The following CMSS1 variants were observed in gnomAD, a reference collection of about 807,000 sequenced individuals.
The protein encoded by CMSS1 is protein CMSS1.
CMSS1 carries 33 observed loss-of-function variants against 43.5 expected under a neutral mutation model. The observed-to-expected ratio is 0.76, with a 90% confidence interval of 0.57 to 1.01. The LOEUF is 1.01. CMSS1 is among the 50% of genes least tolerant of loss of function. The probability of loss-of-function intolerance (pLI) is 0.00; values close to 1 mark genes in which losing one functional copy is unlikely to be tolerated. For missense variants in CMSS1, 313 were observed against 326.4 expected (o/e 0.96, Z 0.32); for synonymous variants, 115 against 117.2 (o/e 0.98, Z 0.12).
chr3:100,014,528 C>G (rs1385190665), intron 1 of CMSS1, among the ~76,000 whole-genome samples: 1 of 152,080 alleles, frequency 6.6e-6, no homozygotes, highest in Non-Finnish European at 1.5e-5. Flanking sequence ...TGATAATAAC[C>G]ATTCTAACAG....
chr3:100,066,764 C>CTAAATAAATGGTTTGAA (rs2065672275), intron 1 of CMSS1, among the ~76,000 whole-genome samples: 1 of 94,568 alleles, frequency 1.1e-5, no homozygotes, highest in Non-Finnish European at 2.5e-5. Flanking sequence ...ATCTCCTGAC[C>CTAAATAAATGGTTTGAA]TCGTGATCCG....
chr3:99,903,313 G>A (rs916491003), intron 1 of CMSS1, among the ~76,000 whole-genome samples: 5 of 151,762 alleles, frequency 3.3e-5, no homozygotes, highest in South Asian at 2.1e-4. Flanking sequence ...GTGCAGTGGC[G>A]TGATCTCAGC....
At chr3:99,847,321 GGAAAAAGAAACAAGAATGACA>G (rs1943409304) in intron 1 of CMSS1, among the ~76,000 whole-genome samples, 1 of 150,548 alleles carries the variant, frequency 6.6e-6, no homozygotes, top group African/African-American at 2.4e-5. Flanking sequence ...GAACCCCATA[GGAAAAAGAAACAAGAATGACA>G]TTTTCTTTTT....
At chr3:99,823,556 T>G (rs1942481008) in intron 1 of CMSS1, among the ~76,000 whole-genome samples, 1 of 152,230 alleles carries the variant, frequency 6.6e-6, no homozygotes, top group African/African-American at 2.4e-5. Flanking sequence ...GCATTTTTCT[T>G]CGCTCTGCCT....
chr3:100,087,553 A>C, intron 1 of CMSS1, among the ~76,000 whole-genome samples: 1 of 152,120 alleles, frequency 6.6e-6, no homozygotes, highest in East Asian at 1.9e-4. Flanking sequence ...GCATCTTTTC[A>C]AACCTTTTGC....
chr3:100,055,856 G>A (rs1273006142), intron 1 of CMSS1, among the ~76,000 whole-genome samples: 1 of 151,936 alleles, frequency 6.6e-6, no homozygotes, highest in African/African-American at 2.4e-5. Flanking sequence ...CAATATGAAG[G>A]GTAGATATGA....
intron 1 of CMSS1, among the ~76,000 whole-genome samples, chr3:100,050,901 A>C (rs1312097172): frequency 2.0e-5 from 3 of 152,168 alleles, no homozygotes; most frequent in African/African-American, 2.4e-5. Flanking sequence ...CTTTGGGAGC[A>C]TGGAAGTGGC....
At chr3:99,946,193 G>T (rs1708002423) in intron 1 of CMSS1, among the ~76,000 whole-genome samples, 1 of 152,138 alleles carries the variant, frequency 6.6e-6, no homozygotes, top group Non-Finnish European at 1.5e-5. Flanking sequence ...TTAAAAAATT[G>T]GGTATGTCTA....
At chr3:100,107,413 T>TTTCTGAACACTTTGTTTAC (rs1224122985) in intron 1 of CMSS1, among the ~76,000 whole-genome samples, 22 of 152,272 alleles carry the variant, frequency 1.4e-4, no homozygotes, top group African/African-American at 5.1e-4. Flanking sequence ...GTTGGTAGAA[T>TTTCTGAACACTTTGTTTAC]TTCTGAACAC....
chr3:99,982,268 G>A (rs1362666540), intron 1 of CMSS1, among the ~76,000 whole-genome samples: 1 of 151,278 alleles, frequency 6.6e-6, no homozygotes, highest in Non-Finnish European at 1.5e-5. Context: ...TATACATTTT[G>A]CATCCACCAA....
intron 1 of CMSS1, among the ~76,000 whole-genome samples, chr3:99,903,568 G>T (rs1401337889): frequency 1.3e-5 from 2 of 152,048 alleles, no homozygotes; most frequent in East Asian, 3.9e-4. Context: ...ATGTTTTAAA[G>T]AATTTTCCAT....
intron 1 of CMSS1, among the ~76,000 whole-genome samples, chr3:100,013,549 G>A (rs1710229448): frequency 6.6e-6 from 1 of 152,136 alleles, no homozygotes; most frequent in African/African-American, 2.4e-5. Context: ...CGGCTGGCCA[G>A]TGAGTTTTAT....
chr3:100,136,683 G>A (rs1453566027), intron 1 of CMSS1, among the ~76,000 whole-genome samples: 1 of 152,214 alleles, frequency 6.6e-6, no homozygotes, highest in Non-Finnish European at 1.5e-5. Context: ...TTAGAGGGTA[G>A]GGGTGAGATT....
chr3:99,833,206 A>G, intron 1 of CMSS1: 4 of 1,601,656 alleles, frequency 2.5e-6, no homozygotes, highest in Non-Finnish European at 3.4e-6. Flanking sequence ...GGGATTTGGA[A>G]TGCCTTAAAA....
chr3:100,083,710 TA>T (rs555707550), intron 1 of CMSS1, among the ~76,000 whole-genome samples: 1 of 152,254 alleles, frequency 6.6e-6, no homozygotes, highest in African/African-American at 2.4e-5. Flanking sequence ...TTCAACTTCA[TA>T]AAAAAAATTT....
intron 1 of CMSS1, chr3:99,850,653 G>A (rs960816465): frequency 6.2e-7 from 1 of 1,613,938 alleles, no homozygotes; most frequent in Non-Finnish European, 8.5e-7. Context: ...GTAAAGACCT[G>A]TTTGTCTCTT....
Position 99,860,282 on chromosome 3 carries a change from T to C in CMSS1, c.64+42239T>C, listed in dbSNP as rs145388789. Reference sequence around the variant, plus strand: ...GTATACTGTTAGTCATTACTCTTCATCACCTGAACGATTAATCTTACTAGG... The same window carrying C: ...GTATACTGTTAGTCATTACTCTTCACCACCTGAACGATTAATCTTACTAGG... On this transcript the variant is annotated intron_variant, in intron 1 of 9. Transcript: ENST00000421999. Among the ~76,000 whole-genome samples, 581 of 152,264 alleles carry C rather than the reference T, an allele frequency of 3.8e-3. 3 individuals carry two copies. The highest frequency in any genetic ancestry group is 0.013 in the African/African-American group (553 of 41,554).
chr3:100,015,601 C>A (rs567609566), intron 1 of CMSS1, among the ~76,000 whole-genome samples: 1 of 152,248 alleles, frequency 6.6e-6, no homozygotes, highest in East Asian at 1.9e-4. Flanking sequence ...TTCTGATGGT[C>A]CTTGAAACCG....
chr3:100,031,334 G>A (rs2065018307), intron 1 of CMSS1, among the ~76,000 whole-genome samples: 1 of 151,992 alleles, frequency 6.6e-6, no homozygotes, highest in African/African-American at 2.4e-5. Flanking sequence ...CTTTCATCTA[G>A]CAGTCCAATA....
Sources: gnomAD v4.1 joint callset for allele counts (sites outside exome capture counted in the v4.1 genomes callset) on GRCh38, gnomAD v4.1.1 for gene constraint, MANE v1.5 for transcripts, NCBI Gene and HGNC (gene_info 2026-07-23, HGNC 2026-07-21) for gene names.